The following USP54 variants were observed in gnomAD, a reference collection of about 807,000 sequenced individuals.
USP54 encodes the protein ubiquitin specific peptidase 54, also known as ubiquitin carboxyl-terminal hydrolase 54.
A neutral mutation model predicts 170.5 loss-of-function variants in USP54; 87 were observed. The ratio of observed to expected loss-of-function variants is 0.51; its 90% CI spans 0.43 to 0.61. The LOEUF is 0.61. Among genes scored for constraint, USP54 ranks in the 20% least tolerant of loss-of-function variants. The pLI is 0.00. For synonymous variants in USP54, 655 were observed against 742.8 expected (o/e 0.88, Z 1.92); for missense variants, 1,786 against 2,047.8 (o/e 0.87, Z 2.47).
chr10:73,516,687 C>T lies in USP54; in HGVS notation c.3739G>A (p.Asp1247Asn). The T allele has an allele frequency of 6.2e-7, 1 of 1,614,192 alleles. No individual in the cohort carries two copies. The highest frequency in any genetic ancestry group is 8.5e-7 in the Non-Finnish European group (1 of 1,180,052). Residue 1247 changes from aspartate (D) to asparagine (N), a missense_variant, in exon 20 of 24, where the codon GAT (aspartate) becomes AAT (asparagine). Asp to Asn is a conservative substitution (Grantham distance 23). Coordinates refer to ENST00000687698, the MANE Select transcript of USP54 (RefSeq NM_001391956.1). ...CCCAAGTCAGTACTGCTGCCCAGAT[C>T]CTTAGACCTAACATCTCTCACTTGG... Reference protein sequence around the residue: ...LSQVRDVRSKDLGSSTDLGTS... With the variant: ...LSQVRDVRSKNLGSSTDLGTS...
chr10:73,569,708 C>CG (rs1199010980), intron 4 of USP54, among the ~76,000 whole-genome samples: 1 of 148,964 alleles, frequency 6.7e-6, no homozygotes, highest in Non-Finnish European at 1.5e-5. Flanking sequence ...GCCAAGACCA[C>CG]GCCATTGCAC....
intron 1 of USP54, among the ~76,000 whole-genome samples, chr10:73,616,608 C>T (rs75555976): frequency 1.3e-5 from 2 of 149,826 alleles, no homozygotes; most frequent in East Asian, 1.9e-4. Context: ...TTATGTAACA[C>T]GCCTGCACAT....
intron 17 of USP54, 75 bp downstream of exon 17, chr10:73,523,508 T>C: frequency 6.9e-7 from 1 of 1,447,084 alleles, no homozygotes; most frequent in Admixed American, 2.2e-5. Flanking sequence ...GACAGGGAAC[T>C]TACAAGCTTA....
At chr10:73,574,007 G>C (rs564460998) in intron 3 of USP54, among the ~76,000 whole-genome samples, 2 of 152,300 alleles carry the variant, frequency 1.3e-5, no homozygotes, top group South Asian at 4.1e-4. Flanking sequence ...AACATCTGAG[G>C]AGTGAAGCTA....
intron 20 of USP54, among the ~76,000 whole-genome samples, chr10:73,515,085 G>T (rs1046719674): frequency 1.3e-5 from 2 of 151,682 alleles, no homozygotes; most frequent in African/African-American, 4.8e-5. Flanking sequence ...ATATTTATGT[G>T]GTATTCCCCT....
chr10:73,523,028 C>T (rs1273871545), intron 17 of USP54, among the ~76,000 whole-genome samples: 2 of 152,066 alleles, frequency 1.3e-5, no homozygotes, highest in African/African-American at 4.8e-5. Context: ...TCTTTTGGTA[C>T]AAAGTGACAT....
At chr10:73,622,981 G>A (rs907142566) in intron 1 of USP54, among the ~76,000 whole-genome samples, 12 of 151,008 alleles carry the variant, frequency 7.9e-5, no homozygotes, top group African/African-American at 2.4e-5. Context: ...GAACTGACCA[G>A]TGAATTTTCT....
intron 10 of USP54, among the ~76,000 whole-genome samples, chr10:73,536,783 T>C (rs972569047): frequency 5.3e-5 from 8 of 152,238 alleles, no homozygotes; most frequent in East Asian, 1.9e-4. Flanking sequence ...GACCAATTTC[T>C]TTTCACAGAC....
intron 4 of USP54, among the ~76,000 whole-genome samples, chr10:73,557,423 T>C (rs187088415): frequency 3.8e-4 from 58 of 150,768 alleles, no homozygotes; most frequent in Non-Finnish European, 6.6e-4. Context: ...CAGGTTCAAG[T>C]GATTCTCCTG....
intron 20 of USP54, chr10:73,506,274 G>A (rs1020734339): frequency 1.3e-5 from 2 of 152,146 alleles, no homozygotes; most frequent in Non-Finnish European, 2.9e-5. Context: ...AGCTCCTCAG[G>A]AATGTTTTAC....
At chr10:73,513,200 C>T (rs1234488065) in intron 20 of USP54, 2 of 152,110 alleles carry the variant, frequency 1.3e-5, no homozygotes, top group Non-Finnish European at 2.9e-5. Context: ...AGTCACTTCT[C>T]ACTTTATAGT....
At chr10:73,584,485 G>C (rs1168579033) in intron 1 of USP54, among the ~76,000 whole-genome samples, 2 of 152,158 alleles carry the variant, frequency 1.3e-5, no homozygotes, top group African/African-American at 4.8e-5. Context: ...TCACAGTATG[G>C]CAATTATTGG....
At chr10:73,594,115 G>C (rs2078522205), upstream of USP54, among the ~76,000 whole-genome samples, 1 of 151,908 alleles carries the variant, frequency 6.6e-6, no homozygotes, top group South Asian at 2.1e-4. Context: ...CTGTCACCCA[G>C]GCTGGAGTGC....
chr10:73,593,075 T>C (rs1039494594), upstream of USP54, among the ~76,000 whole-genome samples: 6 of 152,094 alleles, frequency 3.9e-5, no homozygotes, highest in African/African-American at 1.4e-4. Context: ...AAAGGTTTTA[T>C]AGGCCGGGTG....
rs1178699732 is a variant in USP54 at position 73,606,175 on chromosome 10, C to CAAAAAAAAAAAAA, written c.-18+19379_-18+19391dup. On this transcript the variant is annotated intron_variant, in intron 1 of 22. Coordinates refer to the USP54 transcript ENST00000339859. ...CCTGGGCGACAGAGTGAGGCTGTCTCAAAAAAAAAAAAAAAAAAAAAAAAA... is the reference window on the plus strand; with the variant it reads ...CCTGGGCGACAGAGTGAGGCTGTCTCAAAAAAAAAAAAAAAAAAAAAAAAAAAAAAAAAAAAAA... Among the ~76,000 whole-genome samples, 13 of 25,622 alleles carry CAAAAAAAAAAAAA rather than the reference C, an allele frequency of 5.1e-4. 1 individual carries two copies. The highest frequency in any genetic ancestry group is 9.8e-4 in the Non-Finnish European group (10 of 10,164). 16.8% of individuals were successfully genotyped at this position (25,622 alleles called of 152,430 possible). A position where few individuals can be genotyped will look rare whatever the true frequency, so the allele number is the denominator to read the frequency against.
At chr10:73,585,956 A>C (rs2077434616) in intron 1 of USP54, among the ~76,000 whole-genome samples, 1 of 152,188 alleles carries the variant, frequency 6.6e-6, no homozygotes, top group African/African-American at 2.4e-5. Context: ...GGTTGCAGTG[A>C]GCCAAGATCG....
Position 73,504,844 on chromosome 10 carries a change from A to C in USP54, c.4311+6T>G, listed in dbSNP as rs1407901707. ...CTCTGAATAGATGGACCCTGATTCTACTTACAAAACTGTGGGAAGAAACCG... is the reference window on the plus strand; with the variant it reads ...CTCTGAATAGATGGACCCTGATTCTCCTTACAAAACTGTGGGAAGAAACCG... On this transcript the variant is annotated splice_donor_region_variant and intron_variant, in intron 22 of 23. Coordinates refer to ENST00000687698, the MANE Select transcript of USP54 (RefSeq NM_001391956.1). 1 of 1,614,134 alleles carries C rather than the reference A, an allele frequency of 6.2e-7. No homozygotes were observed. Among genetic ancestry groups the C allele is most frequent in the Non-Finnish European group, 8.5e-7 (1 of 1,180,016 alleles).
At chr10:73,568,059 A>T (rs1444872300) in intron 4 of USP54, among the ~76,000 whole-genome samples, 1 of 152,010 alleles carries the variant, frequency 6.6e-6, no homozygotes, top group Non-Finnish European at 1.5e-5. Context: ...GTCTACAGGT[A>T]TGTGCGACCA....
chr10:73,587,957 A>T (rs1405947618), intron 1 of USP54, among the ~76,000 whole-genome samples: 4 of 152,202 alleles, frequency 2.6e-5, no homozygotes, highest in South Asian at 2.1e-4. Flanking sequence ...AAAATAATGT[A>T]CGCAGAATAC....
Sources: allele counts gnomAD v4.1 joint callset (sites outside exome capture counted in the v4.1 genomes callset), GRCh38; gene constraint gnomAD v4.1.1; transcripts MANE v1.5; gene names NCBI Gene and HGNC (gene_info 2026-07-23, HGNC 2026-07-21).